SPEF2: variants seen among roughly 807,000 people sequenced by gnomAD.
SPEF2 encodes the protein sperm flagella and cilia-associated protein 2.
In SPEF2, 187 loss-of-function variants were observed where a neutral mutation model predicts 224.6. The ratio of observed to expected loss-of-function variants is 0.83; its 90% CI spans 0.74 to 0.94. SPEF2 has a LOEUF of 0.94. Ranked by LOEUF, SPEF2 falls within the 40% of genes least tolerant of loss-of-function variation. The pLI is 0.00. For synonymous variants in SPEF2, 715 were observed against 707.3 expected (o/e 1.01, Z -0.17); for missense variants, 2,170 against 2,135.6 (o/e 1.02, Z -0.32).
Position 35,732,026 on chromosome 5 carries a change from T to C in SPEF2, c.3063+4203T>C, listed in dbSNP as rs115871958. 6.1e-3 allele frequency among the ~76,000 whole-genome samples: 933 copies of C among 152,290 alleles called. 14 individuals are homozygous for C. Among genetic ancestry groups the C allele is most frequent in the African/African-American group, 0.022 (898 of 41,564 alleles). ...ACAGACCAATAATTTATACATTAAT[T>C]ATTGTTGTAATTTAAGAGCAAATTA... is the stretch of plus-strand genomic sequence containing the variant. On this transcript the variant is annotated intron_variant, in intron 21 of 36. Coordinates refer to ENST00000356031, the MANE Select transcript of SPEF2 (RefSeq NM_024867.4).
chr5:35,710,166 A>C (rs1740803754), intron 19 of SPEF2: 2 of 984,936 alleles, frequency 2.0e-6, no homozygotes, highest in Non-Finnish European at 2.4e-6. Context: ...CAAAGACATG[A>C]ATTAAACATA....
At chr5:35,658,870 AT>A in intron 7 of SPEF2, 148 bp from the exon 8 acceptor site, 20 of 538,940 alleles carry the variant, frequency 3.7e-5, no homozygotes, top group Non-Finnish European at 4.4e-5. Flanking sequence ...TCATAACATG[AT>A]TTTTTTTGCC....
chr5:35,709,296 T>C, intron 19 of SPEF2, 175 bp downstream of exon 19: 1 of 1,426,484 alleles, frequency 7.0e-7, no homozygotes, highest in East Asian at 2.6e-5. Flanking sequence ...AGCGTAGTTG[T>C]TACAAAGCCC....
chr5:35,625,563 C>A (rs150899701), intron 1 of SPEF2, among the ~76,000 whole-genome samples: 6 of 152,068 alleles, frequency 3.9e-5, no homozygotes, highest in Non-Finnish European at 8.8e-5. Context: ...GAACAGAAAG[C>A]AATAAGCCAA....
At chr5:35,639,677 A>T (rs921427416) in intron 2 of SPEF2, among the ~76,000 whole-genome samples, 19 of 150,076 alleles carry the variant, frequency 1.3e-4, no homozygotes, top group Non-Finnish European at 1.8e-4. Flanking sequence ...TTTTTTTTTT[A>T]AAGTAAATAG....
intron 30 of SPEF2, chr5:35,788,928 T>C: frequency 2.8e-6 from 2 of 703,068 alleles, no homozygotes; most frequent in Non-Finnish European, 5.2e-6. Context: ...CTTCGACCTG[T>C]GATGCCTTCT....
intron 2 of SPEF2, among the ~76,000 whole-genome samples, chr5:35,630,514 G>A (rs986890429): frequency 1.3e-5 from 2 of 152,080 alleles, no homozygotes; most frequent in Admixed American, 1.3e-4. Context: ...GGCTAACACG[G>A]TGAAACCCCG....
At chr5:35,725,794 A>G (rs1744541262) in intron 20 of SPEF2, among the ~76,000 whole-genome samples, 3 of 152,040 alleles carry the variant, frequency 2.0e-5, no homozygotes, top group African/African-American at 7.2e-5. Context: ...ACTGCATTTT[A>G]TTTTTATTTA....
Position 35,739,958 on chromosome 5 carries a change from G to T in SPEF2, c.3103G>T (p.Glu1035Ter). 6.2e-7 allele frequency: 1 copy of T among 1,614,022 alleles called. No individual in the cohort carries two copies. The highest frequency in any genetic ancestry group is 8.5e-7 in the Non-Finnish European group (1 of 1,179,974). The change falls in exon 22 of 37, where the codon GAA becomes TAA. Residue 1035 changes from glutamate (E) to a stop codon, truncating the protein, a stop_gained. Transcript: ENST00000356031. LOFTEE classifies it high-confidence loss of function. ...TTTAGTACCTTACTGGGAACTAATA[G>T]AAAATTCCTATATAAACACCATCAA... ...LFLVPYWELI[E>*]NSYINTIKTV... is the part of the protein sequence containing the mutation.
intron 19 of SPEF2, 32 bp from the exon 20 acceptor site, chr5:35,712,780 T>C (rs764774015): frequency 2.5e-6 from 4 of 1,605,324 alleles, no homozygotes; most frequent in Non-Finnish European, 3.4e-6. Flanking sequence ...AAGTAAATCA[T>C]CAATGATTTT....
intron 30 of SPEF2, among the ~76,000 whole-genome samples, chr5:35,784,319 AAGGTTTCGC>A (rs915519413): frequency 6.6e-6 from 1 of 151,936 alleles, no homozygotes; most frequent in African/African-American, 2.4e-5. Flanking sequence ...TAGTAGAGAC[AAGGTTTCGC>A]CATGTTAGCC....
At chr5:35,790,927 A>G (rs1471203823) in intron 30 of SPEF2, 1 of 152,206 alleles carries the variant, frequency 6.6e-6, no homozygotes, top group African/African-American at 2.4e-5. Context: ...ATTTCATGCT[A>G]AATCCTCAGG....
At position 35,807,271 on chromosome 5, in the gene SPEF2, G is replaced by A; in HGVS notation, c.5379+18G>A. The A allele has an allele frequency of 6.2e-7, 1 of 1,603,944 alleles. No individual in the cohort carries two copies. Among genetic ancestry groups the A allele is most frequent in the Non-Finnish European group, 8.5e-7 (1 of 1,177,382 alleles). On this transcript the variant is annotated intron_variant, in intron 36 of 36. Coordinates refer to ENST00000356031, the MANE Select transcript of SPEF2 (RefSeq NM_024867.4). Reference sequence around the variant, plus strand: ...AGTTTCCTGTGAGTATTACCCCAAAGTGCTCTAATTTGGTTGGGCTCCAGT... The same window carrying A: ...AGTTTCCTGTGAGTATTACCCCAAAATGCTCTAATTTGGTTGGGCTCCAGT...
intron 33 of SPEF2, 48 bp from the exon 34 acceptor site, chr5:35,799,920 A>C (rs750014269): frequency 1.9e-6 from 3 of 1,599,954 alleles, no homozygotes; most frequent in Non-Finnish European, 2.6e-6. Context: ...CTAACTACTG[A>C]CTATGAGAGT....
At chr5:35,800,393 C>T (rs999272509) in intron 34 of SPEF2, among the ~76,000 whole-genome samples, 3 of 152,130 alleles carry the variant, frequency 2.0e-5, no homozygotes, top group African/African-American at 7.2e-5. Flanking sequence ...TGGAATCAAA[C>T]TTTACTCTAT....
chr5:35,768,051 T>G (rs1752318078), intron 26 of SPEF2, among the ~76,000 whole-genome samples: 1 of 152,182 alleles, frequency 6.6e-6, no homozygotes, highest in Non-Finnish European at 1.5e-5. Flanking sequence ...ATTGTTGTTG[T>G]TGTTTTGTAA....
At chr5:35,726,668 C>T (rs1194259120) in intron 20 of SPEF2, among the ~76,000 whole-genome samples, 2 of 152,262 alleles carry the variant, frequency 1.3e-5, no homozygotes, top group Non-Finnish European at 2.9e-5. Flanking sequence ...AAATAATACT[C>T]ATTAAAGATA....
At chr5:35,771,232 A>AT (rs1189881547) in intron 26 of SPEF2, among the ~76,000 whole-genome samples, 2 of 152,176 alleles carry the variant, frequency 1.3e-5, no homozygotes, top group Non-Finnish European at 2.9e-5. Context: ...AATACCCTGG[A>AT]TTGGAAGTCA....
Position 35,727,735 on chromosome 5 carries a change from C to G in SPEF2, c.2975C>G (p.Ser992Cys), listed in dbSNP as rs1166482116. The G allele has an allele frequency of 3.1e-6, 5 of 1,613,956 alleles. No individual in the cohort carries two copies. The highest frequency in any genetic ancestry group is 2.2e-5 in the South Asian group (2 of 91,062). The change falls in exon 21 of 37, where the codon TCT (serine) becomes TGT (cysteine). Residue 992 changes from serine to cysteine, a missense_variant. By Grantham distance (112) the Ser-to-Cys change is moderately radical. Transcript: ENST00000356031. Reference protein sequence around the residue: ...KVPVKKSPADSTDTSPVAIVP... With the variant: ...KVPVKKSPADCTDTSPVAIVP... ...CCAGTAAAGAAATCACCTGCTGACTCTACAGATACATCACCTGTTGCAATA... is the reference window on the plus strand; with the variant it reads ...CCAGTAAAGAAATCACCTGCTGACTGTACAGATACATCACCTGTTGCAATA...
Sources: allele counts gnomAD v4.1 joint callset (sites outside exome capture counted in the v4.1 genomes callset), GRCh38; gene constraint gnomAD v4.1.1; transcripts MANE v1.5; gene names NCBI Gene and HGNC (gene_info 2026-07-23, HGNC 2026-07-21).